Variants in TBCD observed in about 807,000 individuals in gnomAD.
TBCD encodes tubulin-specific chaperone D.
TBCD carries 105 observed loss-of-function variants against 169.3 expected under a neutral mutation model. The observed-to-expected ratio is 0.62, with a 90% CI of 0.53 to 0.73. TBCD has a LOEUF of 0.73. TBCD is among the 30% of genes least tolerant of loss of function. The pLI, the probability that TBCD is intolerant of heterozygous loss-of-function variation, is 0.00. For missense variants in TBCD, 1,444 were observed against 1,600.1 expected (o/e 0.90, Z 1.66); for synonymous variants, 700 against 643.9 (o/e 1.09, Z -1.32).
At chr17:82,839,007 A>G (rs962182805) in intron 13 of TBCD, 92 of 981,640 alleles carry the variant, frequency 9.4e-5, no homozygotes, top group Non-Finnish European at 1.1e-4. Context: ...AATTTCATAT[A>G]AGGAAAAAAA....
At chr17:82,855,042 T>C (rs1408652200) in intron 13 of TBCD, among the ~76,000 whole-genome samples, 1 of 146,628 alleles carries the variant, frequency 6.8e-6, no homozygotes, top group Non-Finnish European at 1.5e-5. Context: ...CGCATCTCCC[T>C]GTGGCCTTCC....
Position 82,768,543 on chromosome 17 carries a change from G to C in TBCD, c.559G>C (p.Asp187His), listed in dbSNP as rs533823047. Residue 187 changes from aspartate (D) to histidine (H), a missense_variant, in exon 5 of 39, where the codon GAC becomes CAC. Transcript: ENST00000355528. Reference protein sequence around the residue: ...QPGQARMSIMDRILQIAESYL... With the variant: ...QPGQARMSIMHRILQIAESYL... Reference sequence around the variant, plus strand: ...TGGGCAAGCACGAATGTCCATAATGGACCGTATTCTCCAAATAGCAGAGGT... The same window carrying C: ...TGGGCAAGCACGAATGTCCATAATGCACCGTATTCTCCAAATAGCAGAGGT... 5 of 1,613,974 alleles carry C rather than the reference G, an allele frequency of 3.1e-6. No individual in the cohort carries two copies. In the South Asian group the frequency reaches 5.5e-5, roughly 18 times the overall value.
intron 17 of TBCD, among the ~76,000 whole-genome samples, chr17:82,896,453 GTTTTTTTTTTTT>G (rs1014108505): frequency 4.4e-5 from 4 of 91,426 alleles, no homozygotes; most frequent in East Asian, 3.2e-4. Flanking sequence ...TGTGCTGTCA[GTTTTTTTTTTTT>G]TTTTTTTTTT....
chr17:82,909,774 C>T (rs142976886), intron 22 of TBCD, among the ~76,000 whole-genome samples: 150 of 152,360 alleles, frequency 9.8e-4, no homozygotes, highest in Middle Eastern at 3.4e-3. Flanking sequence ...GGTGTCATCG[C>T]GTTTCCTCGT....
Position 82,752,285 on chromosome 17 carries a change from G to A in TBCD, c.92G>A (p.Gly31Asp), listed in dbSNP as rs1169464820. 49 of 1,513,326 alleles carry A rather than the reference G, an allele frequency of 3.2e-5. No homozygotes were observed. The highest frequency in any genetic ancestry group is 2.2e-4 in the African/African-American group (15 of 69,178). The allele number at this position is 1,513,326 out of a possible 1,614,324, so 93.7% of individuals were successfully genotyped here. The stretch of plus-strand genomic sequence containing the variant: ...TTTGGCGCGGCGCTGGAAGCGTTCG[G>A]CGAGAGCGCGGAGACCCGGGCGCTG... ...LAFGAALEAF[G>D]ESAETRALLG... The change falls in exon 1 of 39, where the codon GGC becomes GAC. Residue 31 changes from glycine to aspartate, a missense_variant. Coordinates refer to ENST00000355528, the MANE Select transcript of TBCD (RefSeq NM_005993.5).
intron 7 of TBCD, among the ~76,000 whole-genome samples, chr17:82,793,457 A>T (rs1478215182): frequency 6.6e-6 from 1 of 152,164 alleles, no homozygotes. Context: ...CAGCAAATGC[A>T]CTGGACGTTG....
rs2063284878 is a variant in TBCD, at chr17:82,941,628, G to C, written c.3564+145G>C. The C allele has an allele frequency of 1.9e-5, 14 of 727,010 alleles. No individual in the cohort carries two copies. In the South Asian group the frequency reaches 2.6e-4, roughly 13 times the overall value. The allele number at this position is 727,010 out of a possible 1,614,324, so 45.0% of individuals were successfully genotyped here. A position where few individuals can be genotyped will look rare whatever the true frequency, so the allele number is the denominator to read the frequency against. ...CATGTCAGGACCCCTGGGATTACGG[G>C]ACCAGCAGAGCTGCCTTCTCTGGCC... On this transcript the variant is annotated intron_variant, in intron 38 of 38. Transcript: ENST00000355528.
intron 15 of TBCD, chr17:82,886,320 C>T (rs1489311294): frequency 2.6e-5 from 4 of 152,108 alleles, no homozygotes; most frequent in Non-Finnish European, 2.9e-5. Flanking sequence ...CAGCTGTGTT[C>T]GTTGCTGAAT....
chr17:82,854,458 C>T (rs1363610823), intron 13 of TBCD, among the ~76,000 whole-genome samples: 1 of 152,262 alleles, frequency 6.6e-6, no homozygotes, highest in African/African-American at 2.4e-5. Context: ...TGGGCGAGAC[C>T]TGTGCGCACC....
chr17:82,897,440 C>T (rs1466205209), intron 17 of TBCD, among the ~76,000 whole-genome samples: 2 of 151,562 alleles, frequency 1.3e-5, no homozygotes. Flanking sequence ...ATCACTTGAT[C>T]CCGGGAGGCG....
chr17:82,780,437 A>G (rs1478810621), intron 6 of TBCD, among the ~76,000 whole-genome samples: 3 of 151,956 alleles, frequency 2.0e-5, no homozygotes, highest in Non-Finnish European at 2.9e-5. Context: ...GGCCTGGCCT[A>G]TGAACTCCTG....
chr17:82,836,481 A>G (rs1167800886), intron 13 of TBCD, among the ~76,000 whole-genome samples: 2 of 152,256 alleles, frequency 1.3e-5, no homozygotes, highest in African/African-American at 2.4e-5. Context: ...CACCTGAAAC[A>G]CAAGCCCTCA....
chr17:82,824,826 T>C (rs2052699954), intron 13 of TBCD, among the ~76,000 whole-genome samples: 1 of 152,262 alleles, frequency 6.6e-6, no homozygotes. Context: ...CATGTGGTAA[T>C]TCTATGTTCA....
intron 8 of TBCD, among the ~76,000 whole-genome samples, 160 bp downstream of exon 8, chr17:82,797,962 CTTTTTTTTTTTTTTTT>C (rs60671571): frequency 2.0e-4 from 10 of 49,040 alleles, no homozygotes; most frequent in Middle Eastern, 0.022. Context: ...AGTAACTGAA[CTTTTTTTTTTTTTTTT>C]TTTTTTTTTT....
intron 15 of TBCD, among the ~76,000 whole-genome samples, chr17:82,885,443 T>A (rs1452506739): frequency 4.6e-5 from 7 of 152,178 alleles, no homozygotes; most frequent in Non-Finnish European, 1.0e-4. Context: ...CTGCCTCAGG[T>A]CCTTTAAAAC....
At chr17:82,841,466 G>T (rs2054520330) in intron 13 of TBCD, among the ~76,000 whole-genome samples, 1 of 151,978 alleles carries the variant, frequency 6.6e-6, no homozygotes, top group Non-Finnish European at 1.5e-5. Context: ...TACAGGCACG[G>T]TCACTATGCC....
Position 82,893,572 on chromosome 17 carries a change from T to C in TBCD, c.1589T>C (p.Ile530Thr), listed in dbSNP as rs756308366. Residue 530 changes from isoleucine (I) to threonine (T), a missense_variant, in exon 17 of 39, where the codon ATT becomes ACT. By Grantham distance (89) the Ile-to-Thr change is moderately conservative. Coordinates refer to ENST00000355528, the MANE Select transcript of TBCD (RefSeq NM_005993.5). ...RQGTFPHGID[I>T]LTTADYFAVG... ...GGCACTTTCCCTCATGGTATTGATATTTTGACCACAGCTGACTATTTTGCC... is the reference window on the plus strand; with the variant it reads ...GGCACTTTCCCTCATGGTATTGATACTTTGACCACAGCTGACTATTTTGCC... 3.2e-5 allele frequency: 51 copies of C among 1,611,910 alleles called. No individual in the cohort carries two copies. The highest frequency in any genetic ancestry group is 4.0e-5 in the Non-Finnish European group (47 of 1,179,034).
chr17:82,860,491 G>A (rs1365197058), intron 13 of TBCD: 3 of 965,288 alleles, frequency 3.1e-6, no homozygotes, highest in African/African-American at 1.8e-5. Context: ...GAGATCCTGA[G>A]GCTGATTAAT....
At chr17:82,942,239 C>G in intron 38 of TBCD, 1 of 618,696 alleles carries the variant, frequency 1.6e-6, no homozygotes, top group Non-Finnish European at 2.8e-6. Context: ...TTCCCGCTCC[C>G]CAGATGGGGT....
Sources: gnomAD v4.1 joint callset for allele counts (sites outside exome capture counted in the v4.1 genomes callset) on GRCh38, gnomAD v4.1.1 for gene constraint, MANE v1.5 for transcripts, NCBI Gene and HGNC (gene_info 2026-07-23, HGNC 2026-07-21) for gene names.